The following DGKH variants were observed in gnomAD, a reference collection of about 807,000 sequenced individuals.
The protein encoded by DGKH is DAG kinase eta.
DGKH carries 90 observed loss-of-function variants against 159.3 expected under a neutral mutation model. The observed-to-expected ratio is 0.57, with a 90% CI of 0.48 to 0.67. The LOEUF (loss-of-function observed/expected upper bound fraction) is 0.67. DGKH is among the 30% of genes least tolerant of loss of function. The pLI is 0.00. For missense variants in DGKH, 1,181 were observed against 1,506.1 expected, an observed-to-expected ratio of 0.78 and a Z score of 3.57; for synonymous variants, 536 against 553.8, an observed-to-expected ratio of 0.97 and a Z score of 0.45.
In DGKH at chr13:42,229,590, G is replaced by A. The variant is rs1167079298; in HGVS notation, c.*402G>A. On this transcript the variant is annotated 3_prime_UTR_variant, in exon 30 of 30. Coordinates refer to ENST00000337343, the MANE Select transcript of DGKH (RefSeq NM_178009.5). ...AAAACTTCCTAGGTTTCATTACGGG[G>A]GGGCATTGGCCATTTTCTTAAAATC... The A allele has an allele frequency of 6.4e-6, 1 of 157,090 alleles. No homozygotes were observed. Among genetic ancestry groups the A allele is most frequent in the Non-Finnish European group, 1.4e-5 (1 of 71,654 alleles). 9.7% of individuals were successfully genotyped at this position (157,090 alleles called of 1,614,324 possible). A position where few individuals can be genotyped will look rare whatever the true frequency, so the allele number is the denominator to read the frequency against.
chr13:42,150,311 G>A (rs1211453002), intron 3 of DGKH, among the ~76,000 whole-genome samples: 1 of 152,086 alleles, frequency 6.6e-6, no homozygotes. Context: ...CCTAGACAGG[G>A]TTCCATGGAC....
chr13:42,159,263 T>TTTTTTTTTTTTTTTTTTTTA lies in DGKH; in HGVS notation c.623-3_623-2insTTTTTTTTTTTTTTTTTTTA. The TTTTTTTTTTTTTTTTTTTTA allele has an allele frequency of 1.0e-5, 13 of 1,249,718 alleles. No homozygotes were observed. Among genetic ancestry groups the TTTTTTTTTTTTTTTTTTTTA allele is most frequent in the East Asian group, 2.5e-5 (1 of 40,086 alleles). 77.4% of individuals were successfully genotyped at this position (1,249,718 alleles called of 1,614,324 possible). On this transcript the variant is annotated splice_polypyrimidine_tract_variant and splice_region_variant and intron_variant, in intron 5 of 29. Coordinates refer to ENST00000337343, the MANE Select transcript of DGKH (RefSeq NM_178009.5). ...GTTGCTCTTTTTTTTTTTTTTTTTT[T>TTTTTTTTTTTTTTTTTTTTA]AGTGTGTAAATTCAAGGCTCACAAA...
In DGKH at chr13:42,189,191, G is replaced by C. The variant is rs557268522; in HGVS notation, c.1794G>C (p.Gln598His). 6.2e-7 allele frequency: 1 copy of C among 1,614,244 alleles called. No homozygotes were observed. The highest frequency in any genetic ancestry group is 1.1e-5 in the South Asian group (1 of 91,090). The change falls in exon 15 of 30, where the codon CAG becomes CAC. Residue 598 changes from glutamine to histidine, a missense_variant. Transcript: ENST00000337343. ...SEESLGESKE[Q>H]LGDDVTKPSS... is the part of the protein sequence containing the mutation. ...AGTCCCTGGGTGAAAGCAAAGAGCA[G>C]CTTGGGGATGACGTTACAAAACCTT...
intron 1 of DGKH, among the ~76,000 whole-genome samples, chr13:42,060,588 A>T (rs1240774689): frequency 6.6e-6 from 1 of 152,220 alleles, no homozygotes; most frequent in Non-Finnish European, 1.5e-5. Flanking sequence ...TGTCTTGCTA[A>T]TCACTATCAT....
At chr13:42,155,215 C>A in intron 3 of DGKH, 76 bp from the exon 4 acceptor site, 2 of 1,093,832 alleles carry the variant, frequency 1.8e-6, no homozygotes, top group African/African-American at 1.6e-5. Flanking sequence ...ATGGAATTAC[C>A]TCAGAAGATG....
At chr13:42,256,016 G>C (rs1005667111) in intron 30 of DGKH, 17 of 1,552,226 alleles carry the variant, frequency 1.1e-5, no homozygotes, top group Middle Eastern at 3.4e-4. Flanking sequence ...GATGACGATA[G>C]CAAATAATAT....
intron 29 of DGKH, among the ~76,000 whole-genome samples, chr13:42,224,722 G>A (rs1218301496): frequency 6.6e-6 from 1 of 151,962 alleles, no homozygotes; most frequent in Non-Finnish European, 1.5e-5. Context: ...CCTTATTTCA[G>A]TTGCTTAAAA....
intron 3 of DGKH, among the ~76,000 whole-genome samples, chr13:42,142,749 A>G (rs184421343): frequency 9.8e-5 from 15 of 152,294 alleles, no homozygotes; most frequent in Admixed American, 2.6e-4. Context: ...TTGATTTTGT[A>G]TCCTGAGACT....
At chr13:42,047,652 T>C (rs1029407796), upstream of DGKH, among the ~76,000 whole-genome samples, 11 of 152,186 alleles carry the variant, frequency 7.2e-5, no homozygotes, top group Non-Finnish European at 1.3e-4. Flanking sequence ...GGTTCCCAAG[T>C]GCCCGCGCAG....
chr13:42,207,131 T>C (rs1478998444), intron 21 of DGKH, among the ~76,000 whole-genome samples: 4 of 21,986 alleles, frequency 1.8e-4, no homozygotes, highest in Non-Finnish European at 3.1e-4. Flanking sequence ...CTCTCCTTCC[T>C]TCCTTCCTTC....
intron 1 of DGKH, among the ~76,000 whole-genome samples, chr13:42,043,205 GTA>G (rs1272138135): frequency 6.6e-6 from 1 of 151,884 alleles, no homozygotes; most frequent in African/African-American, 2.4e-5. Context: ...ATGTGTGTGT[GTA>G]TATATATATG....
Position 42,237,427 on chromosome 13 carries a change from T to C in DGKH, c.*8239T>C, listed in dbSNP as rs1473478690. On this transcript the variant is annotated 3_prime_UTR_variant, in exon 30 of 30. Coordinates refer to ENST00000337343, the MANE Select transcript of DGKH (RefSeq NM_178009.5). ...AAAAAAGAAAACTGGTGAGAGAAAT[T>C]ACATGGAAATTATAGGAAAAAGGAA... 2 of 152,156 alleles carry C rather than the reference T, an allele frequency of 1.3e-5. No homozygotes were observed. Among genetic ancestry groups the C allele is most frequent in the African/African-American group, 2.4e-5 (1 of 41,428 alleles). 9.4% of individuals were successfully genotyped at this position (152,156 alleles called of 1,614,324 possible). A position where few individuals can be genotyped will look rare whatever the true frequency, so the allele number is the denominator to read the frequency against.
chr13:42,072,191 C>T (rs1000345224), intron 1 of DGKH, among the ~76,000 whole-genome samples: 6 of 152,160 alleles, frequency 3.9e-5, no homozygotes, highest in Non-Finnish European at 8.8e-5. Flanking sequence ...GACATAACCG[C>T]TCTTATCTTT....
intron 27 of DGKH, 57 bp from the exon 28 acceptor site, chr13:42,219,629 T>C: frequency 7.3e-7 from 1 of 1,376,210 alleles, no homozygotes. Context: ...ATTATCAGAG[T>C]AGGTTTTTCT....
intron 29 of DGKH, among the ~76,000 whole-genome samples, chr13:42,248,346 C>A (rs1212433424): frequency 6.6e-6 from 1 of 151,508 alleles, no homozygotes; most frequent in African/African-American, 2.4e-5. Flanking sequence ...CGTCTGAACC[C>A]GGGAGGCAGA....
intron 1 of DGKH, among the ~76,000 whole-genome samples, chr13:42,095,076 T>C (rs1445924093): frequency 4.6e-5 from 7 of 151,714 alleles, no homozygotes; most frequent in Admixed American, 1.3e-4. Context: ...TCCTGCTTTA[T>C]AATTTTTTCC....
In DGKH at chr13:42,109,095, A is replaced by G. The variant is rs551322747; in HGVS notation, c.193-18368A>G. 1.5e-4 allele frequency among the ~76,000 whole-genome samples: 23 copies of G among 152,366 alleles called. No individual in the cohort carries two copies. In the South Asian group the frequency reaches 4.8e-3, roughly 32 times the overall value. Reference sequence around the variant, plus strand: ...AAATTGTAAGTACCACTGAGGTGATAGGCATAGTGCTGGGTGCTAAGGAGA... The same window carrying G: ...AAATTGTAAGTACCACTGAGGTGATGGGCATAGTGCTGGGTGCTAAGGAGA... On this transcript the variant is annotated intron_variant, in intron 1 of 29. Transcript: ENST00000337343.
At chr13:42,091,364 G>T (rs1954414192) in intron 1 of DGKH, among the ~76,000 whole-genome samples, 2 of 152,094 alleles carry the variant, frequency 1.3e-5, no homozygotes, top group Admixed American at 6.5e-5. Flanking sequence ...CACTATCAAG[G>T]TTGAAAAGGT....
At position 42,234,685 on chromosome 13, in the gene DGKH, C is replaced by CA. The variant is rs1259849329; in HGVS notation, c.*5498dup. 1.3e-5 allele frequency: 2 copies of CA among 152,094 alleles called. No homozygotes were observed. The highest frequency in any genetic ancestry group is 2.9e-5 in the Non-Finnish European group (2 of 68,018). The allele number at this position is 152,094 out of a possible 1,614,324, so 9.4% of individuals were successfully genotyped here. On this transcript the variant is annotated 3_prime_UTR_variant, in exon 30 of 30. Transcript: ENST00000337343. ...GAAGAGTGAGAATTGAAAATTCCTC[C>CA]ACTAGTAATTGTTAGCCAATAGAAT...
Sources: gnomAD v4.1 joint callset for allele counts (sites outside exome capture counted in the v4.1 genomes callset) on GRCh38, gnomAD v4.1.1 for gene constraint, MANE v1.5 for transcripts, NCBI Gene and HGNC (gene_info 2026-07-23, HGNC 2026-07-21) for gene names.